KCND2: variants seen among roughly 807,000 people sequenced by gnomAD.
The protein encoded by KCND2 is A-type voltage-gated potassium channel KCND2.
KCND2 carries 16 observed loss-of-function variants against 54.4 expected under a neutral mutation model. The ratio of observed to expected loss-of-function variants is 0.29; its 90% confidence interval spans 0.20 to 0.45. KCND2 has a LOEUF of 0.45. Among genes scored for constraint, KCND2 ranks in the 20% least tolerant of loss-of-function variants. The probability of loss-of-function intolerance (pLI) is 1.00; values close to 1 mark genes in which losing one functional copy is unlikely to be tolerated. For missense variants in KCND2, 486 were observed against 824.2 expected (o/e 0.59, Z 5.02); for synonymous variants, 317 against 310.7 (o/e 1.02, Z -0.21).
At chr7:120,652,876 C>T (rs1471765607) in intron 1 of KCND2, among the ~76,000 whole-genome samples, 1 of 152,172 alleles carries the variant, frequency 6.6e-6, no homozygotes, top group Non-Finnish European at 1.5e-5. Flanking sequence ...TTTTAAATAT[C>T]CCAGAAACTT....
intron 1 of KCND2, among the ~76,000 whole-genome samples, chr7:120,302,629 T>C (rs908118896): frequency 4.6e-5 from 7 of 152,328 alleles, no homozygotes; most frequent in Middle Eastern, 3.4e-3. Context: ...CGATGTTTTA[T>C]ATATGGTTAA....
chr7:120,685,460 G>C (rs577610575), intron 1 of KCND2, among the ~76,000 whole-genome samples: 1 of 152,236 alleles, frequency 6.6e-6, no homozygotes, highest in East Asian at 1.9e-4. Context: ...CTAACTAGGA[G>C]GTTGATATGT....
At chr7:120,473,625 T>C (rs1584793521) in intron 1 of KCND2, among the ~76,000 whole-genome samples, 1 of 152,220 alleles carries the variant, frequency 6.6e-6, no homozygotes, top group East Asian at 1.9e-4. Flanking sequence ...TTTGTGTGTG[T>C]GTCAAGTCTA....
intron 1 of KCND2, among the ~76,000 whole-genome samples, chr7:120,542,151 G>A (rs929327531): frequency 6.6e-6 from 1 of 152,036 alleles, no homozygotes; most frequent in African/African-American, 2.4e-5. Flanking sequence ...CCAGTTTAAA[G>A]GCAATAAAAT....
At chr7:120,582,623 C>T (rs1039964139) in intron 1 of KCND2, among the ~76,000 whole-genome samples, 2 of 152,076 alleles carry the variant, frequency 1.3e-5, no homozygotes, top group South Asian at 2.1e-4. Context: ...TCTCCATCCT[C>T]CCATTCCATA....
intron 1 of KCND2, among the ~76,000 whole-genome samples, chr7:120,549,573 T>C (rs1792081782): frequency 6.6e-6 from 1 of 152,190 alleles, no homozygotes; most frequent in Non-Finnish European, 1.5e-5. Context: ...CAGTAGTGGG[T>C]TACAGATACA....
At chr7:120,378,285 C>T (rs531896846) in intron 1 of KCND2, among the ~76,000 whole-genome samples, 2 of 151,930 alleles carry the variant, frequency 1.3e-5, no homozygotes, top group Non-Finnish European at 2.9e-5. Context: ...CTTATACTAG[C>T]GGCAGAATCA....
At chr7:120,420,045 C>T (rs1801589754) in intron 1 of KCND2, among the ~76,000 whole-genome samples, 1 of 148,636 alleles carries the variant, frequency 6.7e-6, no homozygotes, top group South Asian at 2.1e-4. Flanking sequence ...AAGAGCTGTT[C>T]AGTTTTTCCA....
At chr7:120,328,621 T>C (rs1800016279) in intron 1 of KCND2, among the ~76,000 whole-genome samples, 1 of 152,134 alleles carries the variant, frequency 6.6e-6, no homozygotes, top group African/African-American at 2.4e-5. Context: ...GTACATAAAA[T>C]GTATATTAAC....
intron 1 of KCND2, among the ~76,000 whole-genome samples, chr7:120,594,309 G>A (rs1049835488): frequency 2.0e-5 from 3 of 152,200 alleles, no homozygotes; most frequent in African/African-American, 7.2e-5. Flanking sequence ...CCCCTTGTCT[G>A]TAGCATTTCA....
chr7:120,673,775 A>T (rs1792023324), intron 1 of KCND2, among the ~76,000 whole-genome samples: 1 of 152,136 alleles, frequency 6.6e-6, no homozygotes, highest in South Asian at 2.1e-4. Flanking sequence ...TGGCCTAGTG[A>T]TGGCATCCAC....
chr7:120,286,265 G>A (rs1048364919), intron 1 of KCND2, among the ~76,000 whole-genome samples: 4 of 151,720 alleles, frequency 2.6e-5, no homozygotes, highest in Non-Finnish European at 5.9e-5. Context: ...ACTCAAATCT[G>A]CATTTTGGGA....
chr7:120,360,392 A>G (rs189818113), intron 1 of KCND2, among the ~76,000 whole-genome samples: 69 of 152,120 alleles, frequency 4.5e-4, no homozygotes, highest in Non-Finnish European at 8.4e-4. Flanking sequence ...TTTGATCTCT[A>G]TCTGCCCTTT....
At chr7:120,429,297 G>A (rs1801758534) in intron 1 of KCND2, among the ~76,000 whole-genome samples, 1 of 152,268 alleles carries the variant, frequency 6.6e-6, no homozygotes, top group Non-Finnish European at 1.5e-5. Flanking sequence ...AATTGTTGTA[G>A]TCATTGTATT....
chr7:120,413,186 G>A (rs1801475427), intron 1 of KCND2, among the ~76,000 whole-genome samples: 1 of 151,904 alleles, frequency 6.6e-6, no homozygotes. Flanking sequence ...AATTGATAGT[G>A]GCTAATTAAT....
At chr7:120,430,781 A>G (rs1801777914) in intron 1 of KCND2, among the ~76,000 whole-genome samples, 1 of 152,244 alleles carries the variant, frequency 6.6e-6, no homozygotes, top group South Asian at 2.1e-4. Context: ...ATGAGTATAC[A>G]GCCATCTTCT....
At chr7:120,639,293 T>C (rs1338232941) in intron 1 of KCND2, among the ~76,000 whole-genome samples, 2 of 151,918 alleles carry the variant, frequency 1.3e-5, no homozygotes, top group Non-Finnish European at 2.9e-5. Context: ...GAGGTCCTCT[T>C]TTACTATGGG....
intron 1 of KCND2, among the ~76,000 whole-genome samples, chr7:120,353,588 A>G (rs1800447943): frequency 6.6e-6 from 1 of 152,124 alleles, no homozygotes; most frequent in African/African-American, 2.4e-5. Context: ...AGGAAATGTG[A>G]CCAAGAATCG....
At chr7:120,550,777 A>T (rs780079469) in intron 1 of KCND2, among the ~76,000 whole-genome samples, 3 of 152,192 alleles carry the variant, frequency 2.0e-5, no homozygotes, top group Non-Finnish European at 2.9e-5. Context: ...GAGAGAACAA[A>T]TTCTGAGGGA....
Sources: allele counts gnomAD v4.1 joint callset (sites outside exome capture counted in the v4.1 genomes callset), GRCh38; gene constraint gnomAD v4.1.1; transcripts MANE v1.5; gene names NCBI Gene and HGNC (gene_info 2026-07-23, HGNC 2026-07-21).